Variants in ATP9A observed in about 807,000 individuals in gnomAD.
ATP9A encodes the protein ATPase phospholipid transporting 9A, also known as probable phospholipid-transporting ATPase IIA.
Under a neutral mutation model 144.1 loss-of-function variants are expected in ATP9A, and 52 were observed. The observed-to-expected ratio is 0.36, with a 90% confidence interval of 0.29 to 0.45. ATP9A has a LOEUF of 0.45. Ranked by LOEUF, ATP9A falls within the 20% of genes least tolerant of loss-of-function variation. The probability of loss-of-function intolerance (pLI) is 1.00; values close to 1 mark genes in which losing one functional copy is unlikely to be tolerated. For synonymous variants in ATP9A, 582 were observed against 557.4 expected, an observed-to-expected ratio of 1.04 and a Z score of -0.62; for missense variants, 947 against 1,392.7, an observed-to-expected ratio of 0.68 and a Z score of 5.09.
intron 9 of ATP9A, 37 bp downstream of exon 9, chr20:51,689,027 T>G (rs746379345): frequency 6.2e-7 from 1 of 1,602,258 alleles, no homozygotes; most frequent in African/African-American, 1.3e-5. Context: ...TCTTTCCTTT[T>G]CAAATTGCTA....
In ATP9A at chr20:51,639,335, C is replaced by A. The variant is rs376113489; in HGVS notation, c.1668+8G>T. The stretch of plus-strand genomic sequence containing the variant: ...AAGCACTTTAAGCCATGAATAAAAA[C>A]GACTCACCCGCACGATGATGCCCAT... On this transcript the variant is annotated splice_region_variant and intron_variant, in intron 15 of 27. Transcript: ENST00000338821. The A allele has an allele frequency of 1.9e-6, 3 of 1,608,244 alleles. No homozygotes were observed. The highest frequency in any genetic ancestry group is 2.5e-6 in the Non-Finnish European group (3 of 1,177,368).
At chr20:51,757,259 C>T (rs1568849632) in intron 1 of ATP9A, among the ~76,000 whole-genome samples, 1 of 152,098 alleles carries the variant, frequency 6.6e-6, no homozygotes, top group East Asian at 1.9e-4. Context: ...CTTAAGTGAG[C>T]CACCCACCTC....
Position 51,613,750 on chromosome 20 carries a change from C to G in ATP9A, c.2498G>C (p.Arg833Pro). ...HLGRLLMVHG[R>P]NSYKRSAALS... The stretch of plus-strand genomic sequence containing the variant: ...GGCGGCTGACCGCTTGTAGCTGTTC[C>G]GGCCATGCACCATAAGCAACCGGCC... Residue 833 changes from arginine (R) to proline (P), a missense_variant, in exon 23 of 28, where the codon CGG becomes CCG. By Grantham distance (103) the Arg-to-Pro change is moderately radical. Coordinates refer to ENST00000338821, the MANE Select transcript of ATP9A (RefSeq NM_006045.3). 1 of 1,614,100 alleles carries G rather than the reference C, an allele frequency of 6.2e-7. No individual in the cohort carries two copies. The highest frequency in any genetic ancestry group is 8.5e-7 in the Non-Finnish European group (1 of 1,180,014).
intron 1 of ATP9A, among the ~76,000 whole-genome samples, chr20:51,757,209 G>A (rs922025135): frequency 5.9e-5 from 9 of 152,080 alleles, no homozygotes; most frequent in African/African-American, 2.2e-4. Flanking sequence ...GTAGAGACAG[G>A]GTTTCACCAT....
intron 14 of ATP9A, among the ~76,000 whole-genome samples, chr20:51,651,702 G>A (rs1399767347): frequency 6.6e-6 from 1 of 152,122 alleles, no homozygotes; most frequent in Non-Finnish European, 1.5e-5. Context: ...GCTGAGGTGA[G>A]TGGATCATTT....
intron 13 of ATP9A, among the ~76,000 whole-genome samples, chr20:51,657,620 A>G (rs929836040): frequency 3.9e-5 from 6 of 152,304 alleles, no homozygotes; most frequent in East Asian, 1.9e-4. Flanking sequence ...TTGTGACAAG[A>G]TATGTCACCA....
At chr20:51,659,976 C>T (rs2077404392) in intron 13 of ATP9A, among the ~76,000 whole-genome samples, 1 of 152,116 alleles carries the variant, frequency 6.6e-6, no homozygotes, top group African/African-American at 2.4e-5. Flanking sequence ...TTAAATGAAT[C>T]ATTATTTGCC....
chr20:51,640,927 T>A (rs1468843207), intron 14 of ATP9A, among the ~76,000 whole-genome samples: 1 of 152,114 alleles, frequency 6.6e-6, no homozygotes, highest in Non-Finnish European at 1.5e-5. Context: ...GGCCTAACTT[T>A]TAAATGTAAG....
intron 14 of ATP9A, among the ~76,000 whole-genome samples, chr20:51,644,605 C>T (rs552535461): frequency 2.6e-5 from 4 of 152,066 alleles, no homozygotes; most frequent in Non-Finnish European, 5.9e-5. Flanking sequence ...ATGTTTCAAA[C>T]GTGTATACGC....
chr20:51,667,263 G>A (rs1368059419), intron 13 of ATP9A, among the ~76,000 whole-genome samples: 1 of 152,186 alleles, frequency 6.6e-6, no homozygotes, highest in Non-Finnish European at 1.5e-5. Flanking sequence ...GAGAGGGGAC[G>A]GCTTCCGTAA....
intron 14 of ATP9A, among the ~76,000 whole-genome samples, chr20:51,647,209 A>C (rs1382790025): frequency 1.3e-5 from 2 of 152,184 alleles, no homozygotes; most frequent in African/African-American, 4.8e-5. Context: ...TAAATACTTA[A>C]GAAGAAAGAA....
Position 51,649,047 on chromosome 20 carries a change from C to CGAGCTTTCA in ATP9A, c.1506+7890_1506+7891insTGAAAGCTC, listed in dbSNP as rs2077353378. Reference sequence around the variant, plus strand: ...TATTTTCACCAAGCTCGGAAGCTTCCCCAGATGAGAAAAGAGGGAAGGGAC... The same window carrying CGAGCTTTCA: ...TATTTTCACCAAGCTCGGAAGCTTCCGAGCTTTCACCAGATGAGAAAAGAGGGAAGGGAC... On this transcript the variant is annotated intron_variant, in intron 14 of 27. Coordinates refer to ENST00000338821, the MANE Select transcript of ATP9A (RefSeq NM_006045.3). 2.0e-5 allele frequency among the ~76,000 whole-genome samples: 3 copies of CGAGCTTTCA among 151,730 alleles called. No homozygotes were observed. In the South Asian group the frequency reaches 6.3e-4, roughly 32 times the overall value.
At chr20:51,760,388 G>A (rs1189379993) in intron 1 of ATP9A, among the ~76,000 whole-genome samples, 1 of 152,128 alleles carries the variant, frequency 6.6e-6, no homozygotes, top group African/African-American at 2.4e-5. Flanking sequence ...AAGAGCAATG[G>A]TTCCATATTC....
At chr20:51,648,308 C>CAG (rs1277152613) in intron 14 of ATP9A, among the ~76,000 whole-genome samples, 2 of 152,164 alleles carry the variant, frequency 1.3e-5, no homozygotes, top group African/African-American at 4.8e-5. Context: ...TTGAGCTCTC[C>CAG]AGCAGGTTTT....
chr20:51,733,707 T>G (rs1282267732), intron 1 of ATP9A, among the ~76,000 whole-genome samples: 1 of 151,344 alleles, frequency 6.6e-6, no homozygotes, highest in African/African-American at 2.4e-5. Context: ...TTAAAAAATC[T>G]GTATTACCCA....
At chr20:51,753,454 A>C (rs56047698) in intron 1 of ATP9A, among the ~76,000 whole-genome samples, 60 of 149,190 alleles carry the variant, frequency 4.0e-4, no homozygotes, top group Non-Finnish European at 7.9e-4. Flanking sequence ...CCGTCTCAAA[A>C]AACAACAACA....
chr20:51,682,557 T>C (rs1487356190), intron 9 of ATP9A, among the ~76,000 whole-genome samples: 1 of 145,894 alleles, frequency 6.9e-6, no homozygotes, highest in Non-Finnish European at 1.5e-5. Context: ...TGCTCTAAAG[T>C]GTGTTGCTTT....
intron 14 of ATP9A, among the ~76,000 whole-genome samples, chr20:51,647,792 A>G (rs1277950877): frequency 6.6e-6 from 1 of 152,170 alleles, no homozygotes; most frequent in African/African-American, 2.4e-5. Flanking sequence ...GCCAACACTA[A>G]TATCACATGG....
chr20:51,715,581 C>T (rs2077658564), intron 3 of ATP9A, among the ~76,000 whole-genome samples: 2 of 152,166 alleles, frequency 1.3e-5, no homozygotes, highest in African/African-American at 4.8e-5. Context: ...GCTCACTAAC[C>T]TCCCTGCTGC....
Sources: allele counts gnomAD v4.1 joint callset (sites outside exome capture counted in the v4.1 genomes callset), GRCh38; gene constraint gnomAD v4.1.1; transcripts MANE v1.5; gene names NCBI Gene and HGNC (gene_info 2026-07-23, HGNC 2026-07-21).